CDC42BPB: variants seen among roughly 807,000 people sequenced by gnomAD.
CDC42BPB encodes the protein serine/threonine-protein kinase MRCK beta.
A neutral mutation model predicts 214.9 loss-of-function variants in CDC42BPB; 37 were observed. The observed-to-expected ratio is 0.17, with a 90% CI of 0.13 to 0.23. CDC42BPB has a LOEUF of 0.23. Ranked by LOEUF, CDC42BPB falls within the 10% of genes least tolerant of loss-of-function variation. CDC42BPB has a pLI of 1.00. For missense variants in CDC42BPB, 1,694 were observed against 2,227.0 expected, an observed-to-expected ratio of 0.76 and a Z score of 4.82; for synonymous variants, 931 against 884.0, an observed-to-expected ratio of 1.05 and a Z score of -0.94.
chr14:102,946,659 G>A lies in CDC42BPB; in HGVS notation c.3557C>T (p.Pro1186Leu). ...FRVTASLLGA[P>L]SKTSSLLILT... is the part of the protein sequence containing the mutation. ...AATGAGCAGCGAGCTGGTCTTAGAA[G>A]GTGCACCTAAGAGAGAGGCCGTCAC... is the stretch of plus-strand genomic sequence containing the variant. The change falls in exon 28 of 37, where the codon CCT (proline) becomes CTT (leucine). Residue 1186 changes from proline (P) to leucine (L), a missense_variant. Physicochemically the swap from Pro to Leu is moderately conservative, Grantham distance 98. Coordinates refer to ENST00000361246, the MANE Select transcript of CDC42BPB (RefSeq NM_006035.4). The A allele has an allele frequency of 6.2e-7, 1 of 1,612,736 alleles. No homozygotes were observed. The highest frequency in any genetic ancestry group is 8.5e-7 in the Non-Finnish European group (1 of 1,179,958).
At chr14:103,008,579 CAA>C (rs979106115) in intron 2 of CDC42BPB, 24 bp from the exon 3 acceptor site, 2 of 1,595,388 alleles carry the variant, frequency 1.3e-6, no homozygotes, top group African/African-American at 2.7e-5. Context: ...GTGAGTTGAA[CAA>C]AGATGCGGTT....
chr14:103,051,826 A>C (rs759883336), intron 1 of CDC42BPB, among the ~76,000 whole-genome samples: 3 of 151,882 alleles, frequency 2.0e-5, no homozygotes, highest in African/African-American at 4.8e-5. Flanking sequence ...GTGAAGCCCA[A>C]CTGTCATGGA....
chr14:102,966,543 T>C (rs999746906), intron 17 of CDC42BPB, 156 bp from the exon 18 acceptor site: 11 of 984,548 alleles, frequency 1.1e-5, no homozygotes, highest in African/African-American at 1.7e-5. Context: ...CGGGATCTCA[T>C]TGATGGATGC....
Position 102,983,701 on chromosome 14 carries a change from T to C in CDC42BPB, c.746A>G (p.Gln249Arg). The C allele has an allele frequency of 6.2e-7, 1 of 1,613,936 alleles. No homozygotes were observed. ...TPDYISPEIL[Q>R]AMEDGMGKYG... ...TTTGCCCATGCCGTCCTCCATCGCC[T>C]GCAGGATCTCCGGCGAGATGTAGTC... The change falls in exon 7 of 37, where the codon CAG (glutamine) becomes CGG (arginine). Residue 249 changes from glutamine (Q) to arginine (R), a missense_variant. By Grantham distance (43) the Gln-to-Arg change is conservative. Coordinates refer to ENST00000361246, the MANE Select transcript of CDC42BPB (RefSeq NM_006035.4).
chr14:103,025,903 C>T (rs1566911664), intron 1 of CDC42BPB, among the ~76,000 whole-genome samples: 1 of 151,910 alleles, frequency 6.6e-6, no homozygotes, highest in African/African-American at 2.4e-5. Context: ...CAAAATACTG[C>T]AGGATTCCAT....
rs1466090550 is a variant in CDC42BPB, at chr14:103,057,105, G to C, written c.69C>G (p.Ser23Arg). Residue 23 changes from serine (S) to arginine (R), a missense_variant, in exon 1 of 37, where the codon AGC becomes AGG. This residue lies in a region of CDC42BPB where 83 missense variants were observed against 79.9 expected (regional missense o/e 1.04). Transcript: ENST00000361246. The stretch of plus-strand genomic sequence containing the variant: ...CGAGCAGCGTTTCCACGCTCAGGGC[G>C]CTCTCGTTGCGCCAGGGCCCGTCCA... ...LLLDGPWRNESALSVETLLDV... is the reference protein window; with the variant it reads ...LLLDGPWRNERALSVETLLDV... 2 of 1,523,888 alleles carry C rather than the reference G, an allele frequency of 1.3e-6. No individual in the cohort carries two copies. Among genetic ancestry groups the C allele is most frequent in the South Asian group, 2.4e-5 (2 of 81,918 alleles). 94.4% of individuals were successfully genotyped at this position (1,523,888 alleles called of 1,614,324 possible).
chr14:103,010,687 G>A (rs1390635113), intron 2 of CDC42BPB, among the ~76,000 whole-genome samples: 1 of 152,214 alleles, frequency 6.6e-6, no homozygotes, highest in African/African-American at 2.4e-5. Context: ...CCCAGCCAAG[G>A]AGAGCTTAGA....
chr14:103,054,291 C>A (rs1364122709), intron 1 of CDC42BPB, among the ~76,000 whole-genome samples: 1 of 152,182 alleles, frequency 6.6e-6, no homozygotes, highest in East Asian at 1.9e-4. Context: ...AAGAATTCTC[C>A]ATAATTGTCA....
At chr14:102,991,992 T>C (rs1401543025) in intron 5 of CDC42BPB, among the ~76,000 whole-genome samples, 2 of 152,212 alleles carry the variant, frequency 1.3e-5, no homozygotes, top group South Asian at 4.1e-4. Context: ...GGTTCTTTTG[T>C]TGCACCAGCC....
intron 1 of CDC42BPB, 59 bp from the exon 2 acceptor site, chr14:103,012,247 T>A: frequency 6.6e-7 from 1 of 1,511,684 alleles, no homozygotes. Context: ...TATATAAAAA[T>A]TTAATTGAGT....
At chr14:103,050,456 T>C (rs965651001) in intron 1 of CDC42BPB, among the ~76,000 whole-genome samples, 19 of 152,160 alleles carry the variant, frequency 1.2e-4, no homozygotes, top group Non-Finnish European at 2.2e-4. Flanking sequence ...CAGGTTAACA[T>C]GACCTCCCCA....
chr14:103,040,830 T>A (rs1887948469), intron 1 of CDC42BPB, among the ~76,000 whole-genome samples: 1 of 152,222 alleles, frequency 6.6e-6, no homozygotes, highest in Non-Finnish European at 1.5e-5. Context: ...ACTTTAATAC[T>A]GTTAAGATGG....
chr14:103,057,350 C>T lies in CDC42BPB; in HGVS notation c.-177G>A. 1 of 1,018,538 alleles carries T rather than the reference C, an allele frequency of 9.8e-7. No individual in the cohort carries two copies. Among genetic ancestry groups the T allele is most frequent in the Non-Finnish European group, 1.2e-6 (1 of 853,366 alleles). 63.1% of individuals were successfully genotyped at this position (1,018,538 alleles called of 1,614,324 possible). A position where few individuals can be genotyped will look rare whatever the true frequency, so the allele number is the denominator to read the frequency against. ...GCCGACATCTTGGGCTCCGTCCCGA[C>T]GGCGCAGAGTCTGGGGCGCCGGGCC... On this transcript the variant is annotated 5_prime_UTR_variant, in exon 1 of 37. Coordinates refer to ENST00000361246, the MANE Select transcript of CDC42BPB (RefSeq NM_006035.4).
intron 5 of CDC42BPB, among the ~76,000 whole-genome samples, chr14:102,988,427 C>A (rs1894347712): frequency 6.6e-6 from 1 of 151,544 alleles, no homozygotes; most frequent in East Asian, 1.9e-4. Context: ...ATATCAATGT[C>A]CTCTTTTTTG....
chr14:102,979,637 T>C (rs547532874), intron 8 of CDC42BPB, among the ~76,000 whole-genome samples: 1 of 152,318 alleles, frequency 6.6e-6, no homozygotes, highest in Non-Finnish European at 1.5e-5. Context: ...GTCCTGGGGA[T>C]GAAACATACA....
intron 1 of CDC42BPB, among the ~76,000 whole-genome samples, chr14:103,026,108 T>C (rs1166295539): frequency 2.0e-5 from 3 of 151,470 alleles, no homozygotes; most frequent in African/African-American, 7.3e-5. Flanking sequence ...ACGAAACACT[T>C]AAAACACGGC....
chr14:102,939,038 G>A (rs1891768101), intron 34 of CDC42BPB, among the ~76,000 whole-genome samples: 1 of 151,882 alleles, frequency 6.6e-6, no homozygotes, highest in African/African-American at 2.4e-5. Flanking sequence ...CCGGGTTCAT[G>A]CCATTCTCCT....
intron 14 of CDC42BPB, 152 bp downstream of exon 14, chr14:102,969,999 C>G (rs556185231): frequency 4.8e-5 from 27 of 562,334 alleles, no homozygotes; most frequent in African/African-American, 3.9e-4. Flanking sequence ...AGGGGTCACA[C>G]CCCCCACCTC....
intron 1 of CDC42BPB, among the ~76,000 whole-genome samples, chr14:103,015,463 G>C (rs571471859): frequency 5.3e-5 from 8 of 152,008 alleles, no homozygotes; most frequent in African/African-American, 1.7e-4. Context: ...CTCCAGCCTG[G>C]GCAACAAGAG....
Sources: gnomAD v4.1 joint callset for allele counts (sites outside exome capture counted in the v4.1 genomes callset) on GRCh38, gnomAD v4.1.1 for gene constraint, gnomAD v4.1.1 regional missense constraint, MANE v1.5 for transcripts, NCBI Gene and HGNC (gene_info 2026-07-23, HGNC 2026-07-21) for gene names.